PRDM1: variants seen among roughly 807,000 people sequenced by gnomAD.
PRDM1 encodes the protein PR/SET domain 1.
PRDM1 carries 13 observed loss-of-function variants against 62.8 expected under a neutral mutation model. The observed-to-expected ratio is 0.21, with a 90% CI of 0.13 to 0.33. The LOEUF is 0.33. Ranked by LOEUF, PRDM1 falls within the 10% of genes least tolerant of loss-of-function variation. The probability of loss-of-function intolerance (pLI) is 1.00; values close to 1 mark genes in which losing one functional copy is unlikely to be tolerated. For missense variants in PRDM1, 895 were observed against 1,058.8 expected (o/e 0.85, Z 2.15); for synonymous variants, 396 against 417.6 (o/e 0.95, Z 0.63).
intron 1 of PRDM1, among the ~76,000 whole-genome samples, chr6:106,057,210 AG>A (rs552304763): frequency 6.6e-4 from 101 of 152,354 alleles, no homozygotes; most frequent in African/African-American, 2.3e-3. Context: ...AATTGCTTGA[AG>A]ATGGCCATGA....
chr6:106,084,349 A>C (rs752500176), upstream of PRDM1, among the ~76,000 whole-genome samples: 1 of 152,200 alleles, frequency 6.6e-6, no homozygotes, highest in Non-Finnish European at 1.5e-5. Context: ...TCCTCCCTAG[A>C]CTCAAGCCCA....
intron 1 of PRDM1, among the ~76,000 whole-genome samples, chr6:106,053,549 C>T (rs143018497): frequency 4.0e-5 from 6 of 151,296 alleles, no homozygotes; most frequent in African/African-American, 1.5e-4. Context: ...CTATTGTATC[C>T]ATTATGTATT....
intron 1 of PRDM1, among the ~76,000 whole-genome samples, chr6:106,066,156 G>C (rs1773430885): frequency 1.3e-5 from 2 of 152,136 alleles, no homozygotes; most frequent in South Asian, 4.1e-4. Context: ...CAAATAAAGA[G>C]ATTCTGTGCG....
intron 4 of PRDM1, among the ~76,000 whole-genome samples, chr6:106,102,842 G>A (rs1448997537): frequency 1.3e-5 from 2 of 152,106 alleles, no homozygotes; most frequent in South Asian, 2.1e-4. Context: ...GAGCGGCATC[G>A]TTTTTAAAAA....
intron 1 of PRDM1, among the ~76,000 whole-genome samples, chr6:105,995,694 A>T (rs1772339998): frequency 6.6e-6 from 1 of 152,186 alleles, no homozygotes; most frequent in South Asian, 2.1e-4. Flanking sequence ...AGTTATTTTC[A>T]CAGTATTACA....
rs1449044666 is a variant in PRDM1 at position 106,080,929 on chromosome 6, C to T, written c.-66-7272C>T. 7.9e-5 allele frequency among the ~76,000 whole-genome samples: 12 copies of T among 152,262 alleles called. No individual in the cohort carries two copies. The East Asian group carries it at 2.3e-3, about 29-fold the overall frequency. On this transcript the variant is annotated intron_variant, in intron 1 of 6. Coordinates refer to the PRDM1 transcript ENST00000651185. ...CAATAACTCCTTTGCCCTGCTTCCC[C>T]GGGGTGCCTGCTTGAAGGAAACAAT...
At position 106,109,908 on chromosome 6, in the gene PRDM1, A is replaced by G. The variant is rs1774640172; in HGVS notation, c.*2422A>G. 1 of 227,658 alleles carries G rather than the reference A, an allele frequency of 4.4e-6. No individual in the cohort carries two copies. The highest frequency in any genetic ancestry group is 1.8e-4 in the South Asian group (1 of 5,486). The allele number at this position is 227,658 out of a possible 1,614,324, so 14.1% of individuals were successfully genotyped here. ...TTATGTGCAAATTGTCAAAATGTAA[A>G]TTAAATATAAATGTTCATGCTTTAC... On this transcript the variant is annotated 3_prime_UTR_variant, in exon 7 of 7. Transcript: ENST00000369096.
chr6:106,092,233 A>G (rs1353701060), intron 2 of PRDM1, among the ~76,000 whole-genome samples: 1 of 151,766 alleles, frequency 6.6e-6, no homozygotes, highest in Non-Finnish European at 1.5e-5. Flanking sequence ...TTCATTGTGT[A>G]AAATTGAAAA....
Position 106,054,926 on chromosome 6 carries a change from A to C in PRDM1, c.-67+6212A>C, listed in dbSNP as rs914525113. Among the ~76,000 whole-genome samples, 27 of 152,222 alleles carry C rather than the reference A, an allele frequency of 1.8e-4. 1 individual carries two copies. Among genetic ancestry groups the C allele is most frequent in the Non-Finnish European group, 3.8e-4 (26 of 68,036 alleles). ...GAGTGGATACATATTCTGAATTCAT[A>C]GCGAGAATAGGATTTTGACATTTCA... On this transcript the variant is annotated intron_variant, in intron 1 of 6. Coordinates refer to the PRDM1 transcript ENST00000651185.
upstream of PRDM1, among the ~76,000 whole-genome samples, chr6:106,083,811 A>G (rs1773739033): frequency 6.6e-6 from 1 of 152,224 alleles, no homozygotes; most frequent in Non-Finnish European, 1.5e-5. Context: ...ACTTAGAAAC[A>G]AACCCTTTGA....
At chr6:106,018,854 A>T (rs935262049) in intron 1 of PRDM1, among the ~76,000 whole-genome samples, 2 of 151,812 alleles carry the variant, frequency 1.3e-5, no homozygotes, top group East Asian at 3.9e-4. Flanking sequence ...CCACCTTTTC[A>T]TATGGTATTC....
intron 1 of PRDM1, among the ~76,000 whole-genome samples, chr6:106,063,703 G>T (rs1773383407): frequency 6.6e-6 from 1 of 152,170 alleles, no homozygotes; most frequent in Non-Finnish European, 1.5e-5. Flanking sequence ...TTGTTAGCTT[G>T]AGATTAAAAA....
chr6:106,094,292 G>T (rs1774033310), intron 2 of PRDM1, among the ~76,000 whole-genome samples: 2 of 152,164 alleles, frequency 1.3e-5, no homozygotes, highest in Non-Finnish European at 2.9e-5. Context: ...AAAGTGATAG[G>T]TAGGCTATCT....
chr6:106,065,002 A>C (rs535549611), intron 1 of PRDM1, among the ~76,000 whole-genome samples: 5 of 152,132 alleles, frequency 3.3e-5, no homozygotes, highest in Admixed American at 2.0e-4. Context: ...CCATGTGACT[A>C]ACTGTGCACA....
Position 106,108,517 on chromosome 6 carries a change from G to GTTGC in PRDM1, c.*1034_*1037dup. 7.7e-6 allele frequency: 1 copy of GTTGC among 130,008 alleles called. No individual in the cohort carries two copies. The highest frequency in any genetic ancestry group is 8.5e-5 in the East Asian group (1 of 11,812). The allele number at this position is 130,008 out of a possible 1,614,324, so 8.1% of individuals were successfully genotyped here. A position where few individuals can be genotyped will look rare whatever the true frequency, so the allele number is the denominator to read the frequency against. Reference sequence around the variant, plus strand: ...GGGTGGTGTTTTGTTGTTGGTTTTTGTTGCTTTTTTTTTTTTTTTTTTTTT... The same window carrying GTTGC: ...GGGTGGTGTTTTGTTGTTGGTTTTTGTTGCTTGCTTTTTTTTTTTTTTTTTTTTT... On this transcript the variant is annotated 3_prime_UTR_variant, in exon 7 of 7. Coordinates refer to ENST00000369096, the MANE Select transcript of PRDM1 (RefSeq NM_001198.4).
At chr6:106,103,007 G>A (rs1774317748) in intron 4 of PRDM1, among the ~76,000 whole-genome samples, 1 of 152,142 alleles carries the variant, frequency 6.6e-6, no homozygotes, top group African/African-American at 2.4e-5. Flanking sequence ...AAACAAAAGT[G>A]ACAATTAGAA....
At chr6:106,025,632 G>C (rs1467559802) in intron 1 of PRDM1, among the ~76,000 whole-genome samples, 1 of 152,072 alleles carries the variant, frequency 6.6e-6, no homozygotes, top group Non-Finnish European at 1.5e-5. Flanking sequence ...AGTGAGAGGA[G>C]GGATATATGC....
At chr6:106,071,773 A>G (rs571134023) in intron 1 of PRDM1, among the ~76,000 whole-genome samples, 2 of 149,280 alleles carry the variant, frequency 1.3e-5, no homozygotes, top group Admixed American at 1.3e-4. Context: ...CAACCACAGT[A>G]TATTTTCTTT....
At chr6:106,011,509 G>A (rs1337067593) in intron 1 of PRDM1, among the ~76,000 whole-genome samples, 1 of 152,148 alleles carries the variant, frequency 6.6e-6, no homozygotes, top group Non-Finnish European at 1.5e-5. Context: ...GAGTATGTGC[G>A]AGGGGAGCAA....
Sources: allele counts gnomAD v4.1 joint callset (sites outside exome capture counted in the v4.1 genomes callset), GRCh38; gene constraint gnomAD v4.1.1; transcripts MANE v1.5; gene names NCBI Gene and HGNC (gene_info 2026-07-23, HGNC 2026-07-21).